The following KMT2A variants were observed in gnomAD, a reference collection of about 807,000 sequenced individuals.
KMT2A encodes lysine methyltransferase 2A, also known as histone-lysine N-methyltransferase 2A.
Under a neutral mutation model 345.3 loss-of-function variants are expected in KMT2A, and 16 were observed. The ratio of observed to expected loss-of-function variants is 0.05; its 90% CI spans 0.03 to 0.07. KMT2A has a LOEUF of 0.07. Among genes scored for constraint, KMT2A ranks in the 10% least tolerant of loss-of-function variants. KMT2A has a pLI of 1.00. For missense variants in KMT2A, 3,272 were observed against 4,841.6 expected, an observed-to-expected ratio of 0.68 and a Z score of 9.62; for synonymous variants, 1,599 against 1,778.6, an observed-to-expected ratio of 0.90 and a Z score of 2.54.
chr11:118,487,332 A>G (rs1257999954), intron 10 of KMT2A, among the ~76,000 whole-genome samples: 4 of 152,144 alleles, frequency 2.6e-5, no homozygotes, highest in Non-Finnish European at 5.9e-5. Flanking sequence ...TAGCAATCTC[A>G]CAGGGTTCCT....
Position 118,496,949 on chromosome 11 carries a change from T to G in KMT2A, c.5664+582T>G, listed in dbSNP as rs1439715994. Among the ~76,000 whole-genome samples, 11 of 152,184 alleles carry G rather than the reference T, an allele frequency of 7.2e-5. No homozygotes were observed. Among genetic ancestry groups the G allele is most frequent in the African/African-American group, 2.7e-4 (11 of 41,448 alleles). ...CTGGCACACACAGTAAGCTACAATT[T>G]TTTTAAAAGTTTTTTGTGTTTTTTG... On this transcript the variant is annotated intron_variant, in intron 20 of 35. Transcript: ENST00000534358. This position sits in a 1 kb window ranked among gnomAD's most constrained non-coding sequence, Gnocchi z 4.7.
In KMT2A at chr11:118,505,119, C is replaced by G; in HGVS notation, c.9227C>G (p.Pro3076Arg). Residue 3076 changes from proline to arginine, a missense_variant, in exon 27 of 36, where the codon CCA becomes CGA. By Grantham distance (103) the Pro-to-Arg change is moderately radical (BLOSUM62 -2). This residue lies in a region of KMT2A where 748 missense variants were observed against 922.2 expected (regional missense o/e 0.81). Coordinates refer to ENST00000534358, the MANE Select transcript of KMT2A (RefSeq NM_001197104.2). The surrounding 1 kb of genome is among the most constrained non-coding windows in gnomAD (Gnocchi z 4.6). Reference protein sequence around the residue: ...AVQTTPPHLKPATEKLIVVNQ... With the variant: ...AVQTTPPHLKRATEKLIVVNQ... ...CAGACCACTCCACCCCACCTGAAGC[C>G]AGCCACTGAGAAACTCATAGTTGTT... The G allele has an allele frequency of 6.2e-7, 1 of 1,614,170 alleles. No individual in the cohort carries two copies. Among genetic ancestry groups the G allele is most frequent in the Non-Finnish European group, 8.5e-7 (1 of 1,180,004 alleles).
Position 118,490,344 on chromosome 11 carries a change from C to A in KMT2A, c.4696+95C>A. The A allele has an allele frequency of 7.8e-7, 1 of 1,288,378 alleles. No individual in the cohort carries two copies. Among genetic ancestry groups the A allele is most frequent in the Non-Finnish European group, 1.0e-6 (1 of 963,036 alleles). The allele number at this position is 1,288,378 out of a possible 1,614,324, so 79.8% of individuals were successfully genotyped here. On this transcript the variant is annotated intron_variant, in intron 13 of 35. Coordinates refer to ENST00000534358, the MANE Select transcript of KMT2A (RefSeq NM_001197104.2). The surrounding 1 kb of genome is among the most constrained non-coding windows in gnomAD (Gnocchi z 4.2). ...TAGTGAAATGAAATAAAAAGTCTCA[C>A]ACATTATGTCAAGGATACCATTTAG...
rs1465283884 is a variant in KMT2A, at chr11:118,503,917, C to T, written c.8025C>T (p.Ser2675=). The change falls in exon 27 of 36, where the codon AGC becomes AGT. Residue 2675 remains serine (S), a synonymous_variant. Transcript: ENST00000534358. The surrounding 1 kb of genome is among the most constrained non-coding windows in gnomAD (Gnocchi z 5.3). ...AGGTGGATGGGGCCGATGACTTAAG[C>T]ACTTCAGATGAAGACGACTTATACT... The part of the protein sequence containing the change: ...EGQVDGADDL[S]TSDEDDLYYY... 6.8e-6 allele frequency: 11 copies of T among 1,614,066 alleles called. No homozygotes were observed. Among genetic ancestry groups the T allele is most frequent in the Non-Finnish European group, 9.3e-6 (11 of 1,180,038 alleles).
In KMT2A at chr11:118,498,336, T is replaced by G; in HGVS notation, c.5803-34T>G. 6.3e-7 allele frequency: 1 copy of G among 1,580,282 alleles called. No individual in the cohort carries two copies. Among genetic ancestry groups the G allele is most frequent in the Non-Finnish European group, 8.6e-7 (1 of 1,165,386 alleles). On this transcript the variant is annotated intron_variant, in intron 21 of 35. Coordinates refer to ENST00000534358, the MANE Select transcript of KMT2A (RefSeq NM_001197104.2). The surrounding 1 kb of genome is among the most constrained non-coding windows in gnomAD (Gnocchi z 4.4). ...GTAAACGTCTTAAAACATATGAAAG[T>G]CTGAATAGGACTCTGTTCTTTTTGG... is the stretch of plus-strand genomic sequence containing the variant.
At chr11:118,466,160 C>T (rs962001896) in intron 1 of KMT2A, among the ~76,000 whole-genome samples, 69 of 151,930 alleles carry the variant, frequency 4.5e-4, no homozygotes, top group African/African-American at 1.6e-3. Context: ...AGTGAGACCC[C>T]GTCTCTGTAA....
intron 1 of KMT2A, among the ~76,000 whole-genome samples, chr11:118,459,450 A>C (rs1949705708): frequency 6.6e-6 from 1 of 152,138 alleles, no homozygotes; most frequent in Non-Finnish European, 1.5e-5. Context: ...GATGCCTACC[A>C]CTTAATTAAG....
chr11:118,504,193 A>G lies in KMT2A; in HGVS notation c.8301A>G (p.Lys2767=), dbSNP rs1555047129. The part of the protein sequence containing the change: ...KIDRPEDAGE[K]EHVTKSSVGH... ...ATAGACCTGAAGATGCTGGGGAGAA[A>G]GAACATGTCACTAAGAGTTCTGTTG... The change falls in exon 27 of 36, where the codon AAA becomes AAG. Residue 2767 remains lysine (K), a synonymous_variant. Transcript: ENST00000534358. This position sits in a 1 kb window ranked among gnomAD's most constrained non-coding sequence, Gnocchi z 6.4. 1 of 1,614,084 alleles carries G rather than the reference A, an allele frequency of 6.2e-7. No homozygotes were observed. The highest frequency in any genetic ancestry group is 1.3e-5 in the African/African-American group (1 of 74,932).
chr11:118,524,969 A>AC lies in KMT2A; in HGVS notation c.*2802dup, dbSNP rs1257608687. ...TGCAGATGGTTTGCCTTGCCTTTCC[A>AC]CCCCCTAATTGTCAACCACAAAAAT... On this transcript the variant is annotated 3_prime_UTR_variant, in exon 36 of 36. Transcript: ENST00000534358. The AC allele has an allele frequency of 2.4e-5, 5 of 209,742 alleles. No homozygotes were observed. Among genetic ancestry groups the AC allele is most frequent in the Non-Finnish European group, 3.9e-5 (4 of 103,242 alleles). The allele number at this position is 209,742 out of a possible 1,614,324, so 13.0% of individuals were successfully genotyped here.
chr11:118,456,138 T>C (rs1162297227), intron 1 of KMT2A, among the ~76,000 whole-genome samples: 2 of 152,048 alleles, frequency 1.3e-5, no homozygotes, highest in East Asian at 1.9e-4. Context: ...ACCTGGCCTC[T>C]CCCTGTTACT....
chr11:118,507,517 C>T lies in KMT2A; in HGVS notation c.10755-12C>T. ...GGTTTGTCTTGAAAAGATACAAATG[C>T]CTGTGTTCCAGGACTCCAGGAGCAG... On this transcript the variant is annotated splice_polypyrimidine_tract_variant and intron_variant, in intron 27 of 35. Transcript: ENST00000534358. The T allele has an allele frequency of 1.2e-6, 2 of 1,612,420 alleles. No individual in the cohort carries two copies. The highest frequency in any genetic ancestry group is 1.7e-6 in the Non-Finnish European group (2 of 1,178,492).
intron 3 of KMT2A, among the ~76,000 whole-genome samples, chr11:118,475,809 G>C (rs1370062658): frequency 6.6e-6 from 1 of 152,246 alleles, no homozygotes; most frequent in African/African-American, 2.4e-5. Flanking sequence ...ATTGTAGCAG[G>C]AATGTGATGG....
chr11:118,494,605 G>A lies in KMT2A; in HGVS notation c.5290-89G>A, dbSNP rs1555043422. 6.9e-6 allele frequency: 8 copies of A among 1,163,046 alleles called. No homozygotes were observed. Among genetic ancestry groups the A allele is most frequent in the African/African-American group, 4.6e-5 (3 of 65,046 alleles). 72.0% of individuals were successfully genotyped at this position (1,163,046 alleles called of 1,614,324 possible). On this transcript the variant is annotated intron_variant, in intron 17 of 35. Transcript: ENST00000534358. This position sits in a 1 kb window ranked among gnomAD's most constrained non-coding sequence, Gnocchi z 5.8. ...CTCTTGGTGGCCTGAAATTATCCTC[G>A]TATTAACAGAGAAGCTGGTTTGAAG... is the stretch of plus-strand genomic sequence containing the variant.
At chr11:118,451,656 ATT>A (rs34888107) in intron 1 of KMT2A, among the ~76,000 whole-genome samples, 38 of 138,046 alleles carry the variant, frequency 2.8e-4, no homozygotes, top group South Asian at 7.1e-4. Context: ...CCCAAAGTGA[ATT>A]TTTTTTTTTT....
Position 118,474,001 on chromosome 11 carries a change from G to A in KMT2A, c.2842G>A (p.Val948Met). 6.2e-7 allele frequency: 1 copy of A among 1,613,838 alleles called. No individual in the cohort carries two copies. Among genetic ancestry groups the A allele is most frequent in the South Asian group, 1.1e-5 (1 of 91,068 alleles). Reference sequence around the variant, plus strand: ...TGATTCTGGGACTGATATTACTTCTGTGACTCTTGGGGATACAACAGCTGT... The same window carrying A: ...TGATTCTGGGACTGATATTACTTCTATGACTCTTGGGGATACAACAGCTGT... ...SHDSGTDITS[V>M]TLGDTTAVKT... Residue 948 changes from valine to methionine, a missense_variant, in exon 3 of 36, where the codon GTG becomes ATG. Transcript: ENST00000534358.
Position 118,526,211 on chromosome 11 carries a change from G to A in KMT2A, c.*4039G>A, listed in dbSNP as rs532856607. ...TCGGATCAGAGAAAAATGCAGACAT[G>A]GTGTCACCTGGATTTTTTTCTGCCC... On this transcript the variant is annotated 3_prime_UTR_variant, in exon 36 of 36. Transcript: ENST00000534358. 8.7e-5 allele frequency: 19 copies of A among 217,532 alleles called. No homozygotes were observed. The South Asian group carries it at 3.4e-3, about 38-fold the overall frequency. 13.5% of individuals were successfully genotyped at this position (217,532 alleles called of 1,614,324 possible).
chr11:118,509,053 C>A, intron 28 of KMT2A, 83 bp from the exon 29 acceptor site: 1 of 1,166,776 alleles, frequency 8.6e-7, no homozygotes, highest in Non-Finnish European at 1.3e-6. Context: ...TTTTGTATAC[C>A]ACAGCTGTAT....
At position 118,484,349 on chromosome 11, in the gene KMT2A, T is replaced by A. The variant is rs1367542545; in HGVS notation, c.4218+35T>A. ...TTCAGTGATCATAAAGTATATTGAG[T>A]GTCAAAGACTTTAAATAAAGAAAAT... On this transcript the variant is annotated intron_variant, in intron 9 of 35. Coordinates refer to ENST00000534358, the MANE Select transcript of KMT2A (RefSeq NM_001197104.2). The surrounding 1 kb of genome is among the most constrained non-coding windows in gnomAD (Gnocchi z 4.1). 1 of 1,600,932 alleles carries A rather than the reference T, an allele frequency of 6.2e-7. No homozygotes were observed. The highest frequency in any genetic ancestry group is 8.5e-7 in the Non-Finnish European group (1 of 1,172,454).
rs1036552129 is a variant in KMT2A, at chr11:118,506,350, T to C, written c.10458T>C (p.Phe3486=). 2.5e-6 allele frequency: 4 copies of C among 1,614,158 alleles called. No homozygotes were observed. Among genetic ancestry groups the C allele is most frequent in the Non-Finnish European group, 3.4e-6 (4 of 1,180,014 alleles). The change falls in exon 27 of 36, where the codon TTT becomes TTC. Residue 3486 remains phenylalanine (F), a synonymous_variant. Transcript: ENST00000534358. ...CTTCAGGGCCCCAGGTATCCAACTT[T>C]ACCCAGACGGTAGACGCTCCTAATA... is the stretch of plus-strand genomic sequence containing the variant. ...DSASGPQVSN[F]TQTVDAPNSM...
Sources: gnomAD v4.1 joint callset for allele counts (sites outside exome capture counted in the v4.1 genomes callset) on GRCh38, gnomAD v4.1.1 for gene constraint, gnomAD v4.1.1 regional missense constraint, Gnocchi (gnomAD v3.1) non-coding constraint, MANE v1.5 for transcripts, NCBI Gene and HGNC (gene_info 2026-07-23, HGNC 2026-07-21) for gene names.